The following CCDC178 variants were observed in gnomAD, a reference collection of about 807,000 sequenced individuals.
CCDC178 encodes coiled-coil domain-containing protein 178.
Under a neutral mutation model 117.4 loss-of-function variants are expected in CCDC178, and 126 were observed. The ratio of observed to expected loss-of-function variants is 1.07; its 90% CI spans 0.93 to 1.24. The LOEUF (loss-of-function observed/expected upper bound fraction) is 1.24, where lower values mean the gene tolerates loss of function less well. Among genes scored for constraint, CCDC178 ranks in the 50% most tolerant of loss-of-function variants. The probability of loss-of-function intolerance (pLI) is 0.00; values close to 1 mark genes in which losing one functional copy is unlikely to be tolerated. For missense variants in CCDC178, 1,030 were observed against 986.9 expected (o/e 1.04, Z -0.59); for synonymous variants, 283 against 313.4 (o/e 0.90, Z 1.02).
At chr18:33,096,337 A>T (rs1018242094) in intron 20 of CCDC178, among the ~76,000 whole-genome samples, 5 of 108,770 alleles carry the variant, frequency 4.6e-5, no homozygotes, top group Non-Finnish European at 7.0e-5. Flanking sequence ...AAAATATAAA[A>T]TTTTTATATT....
intron 19 of CCDC178, among the ~76,000 whole-genome samples, chr18:33,212,894 G>C (rs1480455079): frequency 6.6e-6 from 1 of 151,934 alleles, no homozygotes; most frequent in Non-Finnish European, 1.5e-5. Flanking sequence ...AAGTTGAGCA[G>C]CAACTCAGTG....
intron 21 of CCDC178, among the ~76,000 whole-genome samples, chr18:32,977,119 T>C (rs1239208849): frequency 6.6e-6 from 1 of 152,170 alleles, no homozygotes. Flanking sequence ...GTATTCACAG[T>C]GGGCCTGTTG....
At chr18:32,991,905 C>T (rs1257177803) in intron 21 of CCDC178, among the ~76,000 whole-genome samples, 1 of 152,162 alleles carries the variant, frequency 6.6e-6, no homozygotes, top group Non-Finnish European at 1.5e-5. Context: ...CATTGCTTTA[C>T]CTAAGGGATT....
At chr18:32,950,379 G>A (rs893345527) in intron 22 of CCDC178, among the ~76,000 whole-genome samples, 2 of 152,102 alleles carry the variant, frequency 1.3e-5, no homozygotes, top group Non-Finnish European at 2.9e-5. Context: ...CATCTTGTTT[G>A]TTTCATTTCT....
chr18:33,055,527 C>T (rs572128678), intron 21 of CCDC178, among the ~76,000 whole-genome samples: 1 of 152,120 alleles, frequency 6.6e-6, no homozygotes, highest in African/African-American at 2.4e-5. Flanking sequence ...TGGATTCTTA[C>T]TTTGTTGCCC....
Position 33,181,347 on chromosome 18 carries a change from C to T in CCDC178, c.2238+30549G>A, listed in dbSNP as rs73419484. Among the ~76,000 whole-genome samples, 1,199 of 151,960 alleles carry T rather than the reference C, an allele frequency of 7.9e-3. 13 individuals are homozygous for T. The highest frequency in any genetic ancestry group is 0.027 in the African/African-American group (1,118 of 41,498). On this transcript the variant is annotated intron_variant, in intron 20 of 22. Coordinates refer to ENST00000383096, the MANE Select transcript of CCDC178 (RefSeq NM_001105528.4). ...AAATGCAGACAACAGTAAATACTGC[C>T]ATTCTTATACTAACTTCCTTTAAAA...
intron 21 of CCDC178, among the ~76,000 whole-genome samples, chr18:33,071,883 AAAT>A (rs2057115442): frequency 6.6e-6 from 1 of 152,154 alleles, no homozygotes. Flanking sequence ...AGGTAATTAC[AAAT>A]ATTAGTTGGT....
rs552753888 is a variant in CCDC178 at position 33,326,745 on chromosome 18, C to T, written c.880-3112G>A. 8.6e-5 allele frequency among the ~76,000 whole-genome samples: 13 copies of T among 151,764 alleles called. No homozygotes were observed. The South Asian group carries it at 2.7e-3, about 32-fold the overall frequency. On this transcript the variant is annotated intron_variant, in intron 10 of 22. Coordinates refer to ENST00000383096, the MANE Select transcript of CCDC178 (RefSeq NM_001105528.4). ...TGCTAACTTATATTGCATACCTTCTCGGTGGTTACAGAAAAAGGGGATTGA... is the reference window on the plus strand; with the variant it reads ...TGCTAACTTATATTGCATACCTTCTTGGTGGTTACAGAAAAAGGGGATTGA...
intron 2 of CCDC178, among the ~76,000 whole-genome samples, chr18:33,424,791 AATGAGAGAGCTAGCGTAAGACAGCTGCTG>A (rs905933286): frequency 3.3e-5 from 5 of 152,308 alleles, no homozygotes; most frequent in Admixed American, 2.0e-4. Flanking sequence ...GAAAGCTGCT[AATGAGAGAGCTAGCGTAAGACAGCTGCTG>A]ATGAGAGAGC....
At chr18:33,425,729 G>T (rs1483514315) in intron 2 of CCDC178, among the ~76,000 whole-genome samples, 1 of 152,148 alleles carries the variant, frequency 6.6e-6, no homozygotes, top group Non-Finnish European at 1.5e-5. Flanking sequence ...GGGTGAGGAT[G>T]CTGTCTACTA....
chr18:33,259,991 A>G (rs568046650), intron 14 of CCDC178, among the ~76,000 whole-genome samples: 1 of 152,234 alleles, frequency 6.6e-6, no homozygotes, highest in East Asian at 1.9e-4. Flanking sequence ...AAATCAGAGT[A>G]TAGTTCAATG....
intron 15 of CCDC178, among the ~76,000 whole-genome samples, chr18:33,234,568 A>G (rs946078046): frequency 5.9e-5 from 9 of 151,642 alleles, no homozygotes; most frequent in African/African-American, 2.2e-4. Context: ...GGAACTCTTA[A>G]TTATTAATTA....
At position 33,016,001 on chromosome 18, in the gene CCDC178, TG is replaced by T. The variant is rs758811437; in HGVS notation, c.2389-41321del. The stretch of plus-strand genomic sequence containing the variant: ...AAGTTAACAGAGCCTCTGAGAGTTG[TG>T]GGGAAAAACTTCCAAATTTGGAGGA... On this transcript the variant is annotated intron_variant, in intron 21 of 22. Transcript: ENST00000383096. 3.3e-5 allele frequency among the ~76,000 whole-genome samples: 5 copies of T among 152,262 alleles called. No individual in the cohort carries two copies. The East Asian group carries it at 7.7e-4, about 23-fold the overall frequency.
At chr18:32,981,892 G>C (rs529538630) in intron 21 of CCDC178, among the ~76,000 whole-genome samples, 18 of 152,198 alleles carry the variant, frequency 1.2e-4, no homozygotes, top group African/African-American at 3.6e-4. Flanking sequence ...TATTTCATAT[G>C]AAATTAAAGA....
intron 22 of CCDC178, among the ~76,000 whole-genome samples, chr18:32,943,324 T>C (rs17739703): frequency 0.046 from 7,064 of 152,172 alleles, 218 homozygotes; most frequent in Non-Finnish European, 0.073. Context: ...ATAAAGAAAA[T>C]TTCACACGAA....
intron 2 of CCDC178, among the ~76,000 whole-genome samples, chr18:33,427,875 A>G (rs1289623989): frequency 6.6e-6 from 1 of 152,220 alleles, no homozygotes; most frequent in Admixed American, 6.5e-5. Flanking sequence ...AATATCATGT[A>G]TCATGTGTTA....
chr18:33,015,021 C>T (rs1280711223), intron 21 of CCDC178, among the ~76,000 whole-genome samples: 2 of 151,950 alleles, frequency 1.3e-5, no homozygotes, highest in African/African-American at 4.8e-5. Context: ...TTTGGGAGGC[C>T]GAGGCGTGCA....
intron 2 of CCDC178, among the ~76,000 whole-genome samples, chr18:33,423,248 C>T (rs967238680): frequency 6.6e-6 from 1 of 152,176 alleles, no homozygotes; most frequent in Non-Finnish European, 1.5e-5. Context: ...CCAGAAACTA[C>T]AGCCATCAAA....
chr18:33,373,372 T>G (rs1259753324), intron 5 of CCDC178, among the ~76,000 whole-genome samples: 1 of 152,134 alleles, frequency 6.6e-6, no homozygotes, highest in Non-Finnish European at 1.5e-5. Context: ...CAATACAATT[T>G]TTTTTTACTT....
Sources: allele counts gnomAD v4.1 joint callset (sites outside exome capture counted in the v4.1 genomes callset), GRCh38; gene constraint gnomAD v4.1.1; transcripts MANE v1.5; gene names NCBI Gene and HGNC (gene_info 2026-07-23, HGNC 2026-07-21).